BRD2: variants seen among roughly 807,000 people sequenced by gnomAD.
BRD2 encodes the protein bromodomain containing 2, also known as bromodomain-containing protein 2.
BRD2 carries 15 observed loss-of-function variants against 79.1 expected under a neutral mutation model. That is an observed-to-expected ratio of 0.19 (90% CI 0.13 to 0.29). The LOEUF (loss-of-function observed/expected upper bound fraction) is 0.29, where lower values mean the gene tolerates loss of function less well. BRD2 is among the 10% of genes least tolerant of loss of function. BRD2 has a pLI of 1.00. For missense variants in BRD2, 1,053 were observed against 991.3 expected (o/e 1.06, Z -0.84); for synonymous variants, 488 against 358.6 (o/e 1.36, Z -4.08).
chr6:32,971,601 C>CGCT lies in BRD2; in HGVS notation c.-1289_-1287dup, dbSNP rs756580191. ...GTCTTTTTCCTCGTTTCAGATTCTT[C>CGCT]GCTGCTGCTGCCTTACCGCCGAGAA... On this transcript the variant is annotated 5_prime_UTR_variant, in exon 2 of 13. Transcript: ENST00000374825. The CGCT allele has an allele frequency of 2.2e-6, 1 of 456,008 alleles. No individual in the cohort carries two copies. Among genetic ancestry groups the CGCT allele is most frequent in the Non-Finnish European group, 3.9e-6 (1 of 258,698 alleles). The allele number at this position is 456,008 out of a possible 1,614,324, so 28.2% of individuals were successfully genotyped here.
chr6:32,974,246 G>A (rs1272985364), intron 2 of BRD2, among the ~76,000 whole-genome samples: 7 of 152,136 alleles, frequency 4.6e-5, no homozygotes, highest in Non-Finnish European at 8.8e-5. Flanking sequence ...TAAGAAGGTG[G>A]GATCTAGATA....
At chr6:32,978,765 G>A (rs935194039) in intron 10 of BRD2, 12 of 257,826 alleles carry the variant, frequency 4.7e-5, no homozygotes, top group South Asian at 6.7e-5. Flanking sequence ...CACCTCCTGC[G>A]TAGCCCAGTA....
chr6:32,976,499 G>A, intron 6 of BRD2, 35 bp downstream of exon 6: 1 of 1,602,346 alleles, frequency 6.2e-7, no homozygotes. Flanking sequence ...GCAGCAGGGA[G>A]GCAAGGGTCT....
chr6:32,972,046 GTT>G lies in BRD2; in HGVS notation c.-852_-851del. On this transcript the variant is annotated 5_prime_UTR_variant, in exon 2 of 13. It removes the in-frame stop codon of an upstream open reading frame in the 5' UTR. Coordinates refer to ENST00000374825, the MANE Select transcript of BRD2 (RefSeq NM_005104.4). ...ATAGAAAAAGCTCCCGCGGAGAGGT[GTT>G]CCTTCCCCTTCGACTCAGCTTCTTC... The G allele has an allele frequency of 1.4e-6, 1 of 701,428 alleles. No homozygotes were observed. The highest frequency in any genetic ancestry group is 2.6e-6 in the Non-Finnish European group (1 of 384,690). The allele number at this position is 701,428 out of a possible 1,614,324, so 43.5% of individuals were successfully genotyped here.
At position 32,977,999 on chromosome 6, in the gene BRD2, G is replaced by A. The variant is rs755813761; in HGVS notation, c.1572G>A (p.Gln524=). 1 of 1,609,808 alleles carries A rather than the reference G, an allele frequency of 6.2e-7. No individual in the cohort carries two copies. Among genetic ancestry groups the A allele is most frequent in the South Asian group, 1.1e-5 (1 of 91,072 alleles). The change falls in exon 9 of 13, where the codon CAG becomes CAA. Residue 524 remains glutamine, a synonymous_variant. Transcript: ENST00000374825. ...EERAHRLAEL[Q]EQLRAVHEQL... is the part of the protein sequence containing the mutation. ...GGGCTCATCGCTTAGCAGAACTACAGGAACAGGTATTTTGTCACTCTTGAA... is the reference window on the plus strand; with the variant it reads ...GGGCTCATCGCTTAGCAGAACTACAAGAACAGGTATTTTGTCACTCTTGAA...
chr6:32,980,493 A>G (rs749673067), intron 12 of BRD2, 29 bp downstream of exon 12: 26 of 1,612,646 alleles, frequency 1.6e-5, no homozygotes, highest in Non-Finnish European at 2.1e-5. Flanking sequence ...GCCACTACAG[A>G]TTGACTCCAT....
At chr6:32,978,577 G>C in intron 10 of BRD2, 189 bp downstream of exon 10, 1 of 926,940 alleles carries the variant, frequency 1.1e-6, no homozygotes, top group Non-Finnish European at 1.6e-6. Context: ...GACAGGGTTT[G>C]AGGGGATGGT....
chr6:32,977,983 G>C lies in BRD2; in HGVS notation c.1556G>C (p.Arg519Pro). 1 of 1,610,866 alleles carries C rather than the reference G, an allele frequency of 6.2e-7. No individual in the cohort carries two copies. Among genetic ancestry groups the C allele is most frequent in the South Asian group, 1.1e-5 (1 of 91,086 alleles). Residue 519 changes from arginine to proline, a missense_variant, in exon 9 of 13, where the codon CGC becomes CCC. By Grantham distance (103) the Arg-to-Pro change is moderately radical. Around this residue, in one of 5 missense-constraint regions of BRD2, gnomAD observed 454 missense variants for 430.5 expected, o/e 1.05. Coordinates refer to ENST00000374825, the MANE Select transcript of BRD2 (RefSeq NM_005104.4). The stretch of plus-strand genomic sequence containing the variant: ...GACTCAGAGGAAGAAAGGGCTCATC[G>C]CTTAGCAGAACTACAGGAACAGGTA... ...SSDSEEERAH[R>P]LAELQEQLRA...
rs761577678 is a variant in BRD2 at position 32,975,455 on chromosome 6, T to C, written c.405T>C (p.Tyr135=). ...AGAGGAGACTTGAAAACAATTATTA[T>C]TGGGCTGCTTCAGAGTGTATGCAAG... is the stretch of plus-strand genomic sequence containing the variant. ...TIKRRLENNY[Y]WAASECMQDF... The change falls in exon 4 of 13, where the codon TAT becomes TAC. Residue 135 remains tyrosine, a synonymous_variant. Coordinates refer to ENST00000374825, the MANE Select transcript of BRD2 (RefSeq NM_005104.4). The C allele has an allele frequency of 1.2e-6, 2 of 1,612,626 alleles. No homozygotes were observed. The highest frequency in any genetic ancestry group is 3.3e-5 in the Admixed American group (2 of 60,012).
At chr6:32,974,281 G>T (rs1045058745) in intron 2 of BRD2, among the ~76,000 whole-genome samples, 181 bp from the exon 3 acceptor site, 1 of 152,188 alleles carries the variant, frequency 6.6e-6, no homozygotes, top group Non-Finnish European at 1.5e-5. Flanking sequence ...TTAATAAAAG[G>T]AAGGCGGGGC....
chr6:32,975,008 C>T (rs1249010200), intron 3 of BRD2: 25 of 1,527,360 alleles, frequency 1.6e-5, no homozygotes, highest in Non-Finnish European at 2.2e-5. Flanking sequence ...TGTGCCCTGG[C>T]TCCATTTTAC....
chr6:32,974,918 C>G (rs1778524417), intron 3 of BRD2, 153 bp downstream of exon 3: 3 of 1,390,592 alleles, frequency 2.2e-6, no homozygotes, highest in Non-Finnish European at 2.9e-6. Flanking sequence ...GTATCTTGGT[C>G]CTTTGTGATT....
At position 32,971,707 on chromosome 6, in the gene BRD2, TG is replaced by T. The variant is rs1778001021; in HGVS notation, c.-1191del. 2 of 524,158 alleles carry T rather than the reference TG, an allele frequency of 3.8e-6. No individual in the cohort carries two copies. Among genetic ancestry groups the T allele is most frequent in the Non-Finnish European group, 6.7e-6 (2 of 297,734 alleles). 32.5% of individuals were successfully genotyped at this position (524,158 alleles called of 1,614,324 possible). On this transcript the variant is annotated 5_prime_UTR_variant, in exon 2 of 13. It removes the in-frame stop codon of an upstream open reading frame in the 5' UTR. Transcript: ENST00000374825. ...GCCCACGCGACCCCTCCCGTTTCCC[TG>T]CTTTGGCCAATGGAGGAGCTACGAA...
Position 32,974,459 on chromosome 6 carries a change from C to T in BRD2, c.30-3C>T, listed in dbSNP as rs1433258278. The T allele has an allele frequency of 3.7e-6, 6 of 1,605,906 alleles. No homozygotes were observed. Among genetic ancestry groups the T allele is most frequent in the African/African-American group, 2.7e-5 (2 of 74,640 alleles). On this transcript the variant is annotated splice_region_variant and splice_polypyrimidine_tract_variant and intron_variant, in intron 2 of 12. Coordinates refer to ENST00000374825, the MANE Select transcript of BRD2 (RefSeq NM_005104.4). The stretch of plus-strand genomic sequence containing the variant: ...TGCCCTAATTTTGTTCCCATCTTTA[C>T]AGGCTCCCTGGGGAAGGGAATGCAG...
In BRD2 at chr6:32,980,116, A is replaced by G. The variant is rs1230005462; in HGVS notation, c.2130A>G (p.Lys710=). The change falls in exon 11 of 13, where the codon AAA becomes AAG. Residue 710 remains lysine (K), a synonymous_variant. Transcript: ENST00000374825. Reference sequence around the variant, plus strand: ...ATGTCCTTTCCTGCCTACGTAAGAAACCCCGGAAGCCCTACAGTACGTATG... The same window carrying G: ...ATGTCCTTTCCTGCCTACGTAAGAAGCCCCGGAAGCCCTACAGTACGTATG... ...ERYVLSCLRK[K]PRKPYTIKKP... is the part of the protein sequence containing the mutation. 1.9e-6 allele frequency: 3 copies of G among 1,611,860 alleles called. No homozygotes were observed. Among genetic ancestry groups the G allele is most frequent in the East Asian group, 2.2e-5 (1 of 44,886 alleles).
At chr6:32,975,742 G>C (rs1367677220) in intron 4 of BRD2, among the ~76,000 whole-genome samples, 1 of 152,196 alleles carries the variant, frequency 6.6e-6, no homozygotes, top group Non-Finnish European at 1.5e-5. Context: ...TTCATACTTG[G>C]GGGTGGTGGT....
At chr6:32,979,435 A>AG (rs1330198091) in intron 10 of BRD2, 1 of 212,630 alleles carries the variant, frequency 4.7e-6, no homozygotes, top group Non-Finnish European at 9.5e-6. Context: ...GTATACCTAA[A>AG]CAGGTATACC....
At chr6:32,977,659 C>G (rs775793783) in intron 8 of BRD2, 89 bp downstream of exon 8, 10 of 1,600,500 alleles carry the variant, frequency 6.2e-6, no homozygotes, top group Non-Finnish European at 8.5e-6. Context: ...GAGGGTCTCA[C>G]TGTTCTGTAC....
chr6:32,980,749 C>T lies in BRD2; in HGVS notation c.*31C>T, dbSNP rs199587809. 148 of 1,610,910 alleles carry T rather than the reference C, an allele frequency of 9.2e-5. No individual in the cohort carries two copies. The highest frequency in any genetic ancestry group is 1.1e-4 in the Non-Finnish European group (129 of 1,179,794). On this transcript the variant is annotated 3_prime_UTR_variant, in exon 13 of 13. Coordinates refer to ENST00000374825, the MANE Select transcript of BRD2 (RefSeq NM_005104.4). Reference sequence around the variant, plus strand: ...CAGGCCAGATGGGGCAGGAAGGCTCCGCAGGACCGGACCCCTAGACCACCC... The same window carrying T: ...CAGGCCAGATGGGGCAGGAAGGCTCTGCAGGACCGGACCCCTAGACCACCC...
Sources: allele counts gnomAD v4.1 joint callset (sites outside exome capture counted in the v4.1 genomes callset), GRCh38; gene constraint gnomAD v4.1.1; regional missense constraint gnomAD v4.1.1; transcripts MANE v1.5; gene names NCBI Gene and HGNC (gene_info 2026-07-23, HGNC 2026-07-21).